Variants in FRMD5 observed in about 807,000 individuals in gnomAD.
FRMD5 encodes FERM domain-containing protein 5.
Under a neutral mutation model 69.0 loss-of-function variants are expected in FRMD5, and 20 were observed. That is an observed-to-expected ratio of 0.29 (90% CI 0.20 to 0.42). The LOEUF is 0.42. Ranked by LOEUF, FRMD5 falls within the 10% of genes least tolerant of loss-of-function variation. FRMD5 has a pLI of 1.00. For missense variants in FRMD5, 595 were observed against 708.6 expected, an observed-to-expected ratio of 0.84 and a Z score of 1.82; for synonymous variants, 271 against 260.1, an observed-to-expected ratio of 1.04 and a Z score of -0.40.
intron 1 of FRMD5, among the ~76,000 whole-genome samples, chr15:43,985,734 C>T (rs1180938998): frequency 3.3e-5 from 5 of 152,062 alleles, no homozygotes; most frequent in Non-Finnish European, 5.9e-5. Flanking sequence ...AATTTGCAAA[C>T]GATCACAAGC....
chr15:43,988,021 G>A (rs1380633100), intron 1 of FRMD5, among the ~76,000 whole-genome samples: 1 of 152,166 alleles, frequency 6.6e-6, no homozygotes, highest in East Asian at 1.9e-4. Flanking sequence ...ATGCAATCCA[G>A]ATCCCTCATG....
At chr15:43,972,995 T>C (rs2090405287) in intron 1 of FRMD5, among the ~76,000 whole-genome samples, 1 of 152,132 alleles carries the variant, frequency 6.6e-6, no homozygotes, top group African/African-American at 2.4e-5. Context: ...GACTTCTTTC[T>C]AGATTTTAGT....
chr15:44,105,375 C>A (rs1480041849), intron 1 of FRMD5, among the ~76,000 whole-genome samples: 1 of 152,160 alleles, frequency 6.6e-6, no homozygotes, highest in East Asian at 1.9e-4. Context: ...CTGTGCCCAG[C>A]TCAAATTATT....
intron 9 of FRMD5, 133 bp downstream of exon 9, chr15:43,888,676 C>T (rs2088722211): frequency 1.4e-6 from 1 of 724,284 alleles, no homozygotes; most frequent in East Asian, 2.5e-5. Flanking sequence ...ATTGTACCTC[C>T]AGGTCCTGAC....
At chr15:44,100,762 T>C (rs1184834521) in intron 1 of FRMD5, among the ~76,000 whole-genome samples, 1 of 152,128 alleles carries the variant, frequency 6.6e-6, no homozygotes, top group African/African-American at 2.4e-5. Context: ...CCCAAAGAAG[T>C]TGCTGTATGG....
At chr15:43,938,775 T>C (rs986883476) in intron 1 of FRMD5, among the ~76,000 whole-genome samples, 3 of 152,126 alleles carry the variant, frequency 2.0e-5, no homozygotes, top group Admixed American at 6.5e-5. Flanking sequence ...TATTTGAAGA[T>C]TATGAAGCAA....
chr15:44,102,309 G>C (rs1049558476), intron 1 of FRMD5, among the ~76,000 whole-genome samples: 1 of 152,236 alleles, frequency 6.6e-6, no homozygotes, highest in Non-Finnish European at 1.5e-5. Flanking sequence ...ACAAGCATCA[G>C]TTGAGTTCCA....
chr15:44,084,652 A>C (rs1010631667), intron 1 of FRMD5, among the ~76,000 whole-genome samples: 1 of 152,114 alleles, frequency 6.6e-6, no homozygotes, highest in African/African-American at 2.4e-5. Context: ...TCACATTCTT[A>C]TAAGTTTTCT....
chr15:43,981,581 T>C (rs2090549345), intron 1 of FRMD5, among the ~76,000 whole-genome samples: 1 of 152,232 alleles, frequency 6.6e-6, no homozygotes, highest in South Asian at 2.1e-4. Flanking sequence ...TTTTCATTTC[T>C]CTAAAAATGT....
At chr15:44,126,083 G>A (rs1403617525) in intron 1 of FRMD5, among the ~76,000 whole-genome samples, 9 of 152,150 alleles carry the variant, frequency 5.9e-5, no homozygotes, top group Admixed American at 5.2e-4. Flanking sequence ...TGATTCTGCT[G>A]GACAAACACC....
At chr15:44,113,625 T>C (rs2076829471) in intron 1 of FRMD5, among the ~76,000 whole-genome samples, 1 of 152,236 alleles carries the variant, frequency 6.6e-6, no homozygotes, top group African/African-American at 2.4e-5. Flanking sequence ...AGCCACTCTG[T>C]TGTGCTATCA....
At chr15:43,964,592 T>C (rs577054968) in intron 1 of FRMD5, among the ~76,000 whole-genome samples, 3 of 152,170 alleles carry the variant, frequency 2.0e-5, no homozygotes, top group Admixed American at 6.5e-5. Context: ...TTTTGGCATA[T>C]TAGATTTTGG....
intron 1 of FRMD5, among the ~76,000 whole-genome samples, chr15:44,001,492 G>A (rs1326715932): frequency 6.6e-6 from 1 of 151,826 alleles, no homozygotes; most frequent in East Asian, 1.9e-4. Context: ...CTAATGTCAT[G>A]GAGCTTTCCC....
intron 4 of FRMD5, among the ~76,000 whole-genome samples, chr15:43,916,632 T>C (rs1214739493): frequency 6.6e-6 from 1 of 152,210 alleles, no homozygotes; most frequent in Non-Finnish European, 1.5e-5. Context: ...AGGTTAAGTA[T>C]CTTATTTCCA....
intron 1 of FRMD5, among the ~76,000 whole-genome samples, chr15:44,171,759 T>G (rs1446990438): frequency 6.6e-6 from 1 of 152,128 alleles, no homozygotes; most frequent in Non-Finnish European, 1.5e-5. Flanking sequence ...AAGTATGCCT[T>G]TGGTCAGTAT....
chr15:43,884,602 C>G, intron 12 of FRMD5, 125 bp downstream of exon 12: 1 of 718,498 alleles, frequency 1.4e-6, no homozygotes, highest in East Asian at 2.7e-5. Flanking sequence ...TTTCTTCAGC[C>G]TTCTGCTCCA....
chr15:44,162,780 T>C (rs1372051784), intron 1 of FRMD5, among the ~76,000 whole-genome samples: 2 of 147,300 alleles, frequency 1.4e-5, no homozygotes, highest in African/African-American at 5.1e-5. Context: ...GGCAGGAGAA[T>C]TGCTTGAACC....
intron 1 of FRMD5, among the ~76,000 whole-genome samples, chr15:44,016,763 C>G (rs1286328979): frequency 6.6e-6 from 1 of 151,486 alleles, no homozygotes; most frequent in African/African-American, 2.4e-5. Context: ...GGGTTCGAGT[C>G]TAGCTACTAC....
intron 1 of FRMD5, among the ~76,000 whole-genome samples, chr15:43,979,605 A>G (rs2090517638): frequency 6.6e-6 from 1 of 152,214 alleles, no homozygotes; most frequent in South Asian, 2.1e-4. Flanking sequence ...CACATACATT[A>G]CTGACCAAAA....
Sources: gnomAD v4.1 joint callset for allele counts (sites outside exome capture counted in the v4.1 genomes callset) on GRCh38, gnomAD v4.1.1 for gene constraint, MANE v1.5 for transcripts, NCBI Gene and HGNC (gene_info 2026-07-23, HGNC 2026-07-21) for gene names.